MEN1: variants seen among roughly 807,000 people sequenced by gnomAD.
The protein encoded by MEN1 is menin.
A neutral mutation model predicts 58.0 loss-of-function variants in MEN1; 6 were observed. That is an observed-to-expected ratio of 0.10 (90% CI 0.06 to 0.20). The LOEUF (loss-of-function observed/expected upper bound fraction) is 0.20. Ranked by LOEUF, MEN1 falls within the 10% of genes least tolerant of loss-of-function variation. MEN1 has a pLI of 1.00. For missense variants in MEN1, 492 were observed against 818.5 expected (o/e 0.60, Z 4.87); for synonymous variants, 346 against 350.7 (o/e 0.99, Z 0.15).
At position 64,805,841 on chromosome 11, in the gene MEN1, C is replaced by T. The variant is rs919026003; in HGVS notation, c.1050-71G>A. 1.2e-5 allele frequency: 18 copies of T among 1,562,560 alleles called. No homozygotes were observed. Among genetic ancestry groups the T allele is most frequent in the Admixed American group, 1.7e-5 (1 of 59,846 alleles). The stretch of plus-strand genomic sequence containing the variant: ...ATCGGGGGTAGCCCCAGGGACCTGG[C>T]GGGGGATGGAGCCCCCAGGGGCTGG... On this transcript the variant is annotated intron_variant, in intron 7 of 9. Transcript: ENST00000450708.
At chr11:64,810,287 G>A (rs1942044342) in intron 1 of MEN1, 155 bp from the exon 2 acceptor site, 1 of 612,240 alleles carries the variant, frequency 1.6e-6, no homozygotes, top group South Asian at 2.0e-5. Flanking sequence ...CTCTTTTGTC[G>A]GTGAGACCCC....
rs376598079 is a variant in MEN1 at position 64,805,097 on chromosome 11, C to T, written c.1287G>A (p.Thr429=). ...GICKWEEGSP[T]PVLHVGWATF... is the part of the protein sequence containing the mutation. ...TGGCCCAGCCCACATGCAGCACAGGCGTGGGACTGCCCTCCTCCCATTTGC... is the reference window on the plus strand; with the variant it reads ...TGGCCCAGCCCACATGCAGCACAGGTGTGGGACTGCCCTCCTCCCATTTGC... The change falls in exon 9 of 10, where the codon ACG becomes ACA. Residue 429 remains threonine, a synonymous_variant. Transcript: ENST00000450708. The T allele has an allele frequency of 6.8e-6, 11 of 1,614,042 alleles. No homozygotes were observed. The highest frequency in any genetic ancestry group is 4.0e-5 in the African/African-American group (3 of 74,942).
rs1392579402 is a variant in MEN1, at chr11:64,807,929, G to A, written c.616C>T (p.Arg206Cys). 3 of 1,614,030 alleles carry A rather than the reference G, an allele frequency of 1.9e-6. No individual in the cohort carries two copies. The highest frequency in any genetic ancestry group is 2.2e-5 in the East Asian group (1 of 44,898). ...CCGGCATTGACTGTCTGGCCCCTGC[G>A]GTCCTCGTTGCCCTTGCCGTGCCAG... ...VTWHGKGNED[R>C]RGQTVNAGVA... Residue 206 changes from arginine (R) to cysteine (C), a missense_variant, in exon 3 of 10, where the codon CGC (arginine) becomes TGC (cysteine). Arg to Cys is a radical substitution (Grantham distance 180, BLOSUM62 -3). Coordinates refer to ENST00000450708, the MANE Select transcript of MEN1 (RefSeq NM_001370259.2). This position sits in a 1 kb window ranked among gnomAD's most constrained non-coding sequence, Gnocchi z 4.9.
chr11:64,810,104 C>T lies in MEN1; in HGVS notation c.6G>A (p.Gly2=). 1.3e-6 allele frequency: 2 copies of T among 1,582,030 alleles called. No individual in the cohort carries two copies. The highest frequency in any genetic ancestry group is 1.7e-6 in the Non-Finnish European group (2 of 1,167,040). Residue 2 remains glycine, a synonymous_variant, in exon 2 of 10, where the codon GGG becomes GGA. Coordinates refer to ENST00000450708, the MANE Select transcript of MEN1 (RefSeq NM_001370259.2). ...ACAGCGTCTTCTGGGCGGCCTTCAG[C>T]CCCATGGCGGCGGGCGGTGGGCGGC... M[G]LKAAQKTLFP... is the part of the protein sequence containing the mutation.
At chr11:64,809,126 C>T (rs67808744) in intron 2 of MEN1, among the ~76,000 whole-genome samples, 17,312 of 150,274 alleles carry the variant, frequency 0.12, 1,347 homozygotes, top group East Asian at 0.29. Context: ...TTAACCAGCA[C>T]CACGGTGCAT....
At chr11:64,805,319 G>A in intron 8 of MEN1, 121 bp from the exon 9 acceptor site, 3 of 1,194,356 alleles carry the variant, frequency 2.5e-6, no homozygotes, top group Non-Finnish European at 3.5e-6. Flanking sequence ...GCATAGGTTG[G>A]GAACATTCTT....
At position 64,804,283 on chromosome 11, in the gene MEN1, G is replaced by T. The variant is rs758136062; in HGVS notation, c.*51C>A. The stretch of plus-strand genomic sequence containing the variant: ...GCAGAACATGGGCTCAGAGTTGGGG[G>T]ACTAAGGGCGGAGCCTGGGTCCCCA... On this transcript the variant is annotated 3_prime_UTR_variant, in exon 10 of 10. Transcript: ENST00000450708. This position sits in a 1 kb window ranked among gnomAD's most constrained non-coding sequence, Gnocchi z 4.2. The T allele has an allele frequency of 6.2e-7, 1 of 1,613,114 alleles. No individual in the cohort carries two copies. Among genetic ancestry groups the T allele is most frequent in the Non-Finnish European group, 8.5e-7 (1 of 1,179,614 alleles).
At position 64,804,689 on chromosome 11, in the gene MEN1, G is replaced by T; in HGVS notation, c.1478C>A (p.Pro493Gln). The change falls in exon 10 of 10, where the codon CCG becomes CAG. Residue 493 changes from proline (P) to glutamine (Q), a missense_variant. Pro to Gln is a moderately conservative substitution (Grantham distance 76, BLOSUM62 -1). Transcript: ENST00000450708. This position sits in a 1 kb window ranked among gnomAD's most constrained non-coding sequence, Gnocchi z 4.2. ...PRRESKPEEPPPPKKPALDKG... is the reference protein window; with the variant it reads ...PRRESKPEEPQPPKKPALDKG... ...GTCCAGTGCTGGCTTCTTGGGCGGC[G>T]GGGGCTCCTCTGGCTTGGACTCCCG... 1 of 1,594,574 alleles carries T rather than the reference G, an allele frequency of 6.3e-7. No individual in the cohort carries two copies. Among genetic ancestry groups the T allele is most frequent in the Non-Finnish European group, 8.5e-7 (1 of 1,175,638 alleles).
At position 64,808,006 on chromosome 11, in the gene MEN1, T is replaced by A. The variant is rs1064794683; in HGVS notation, c.539A>T (p.Asp180Val). ...GGGCCCAAACACTACCCAGGCATGA[T>A]CCTCAGACAGGGCGAGGTGGACATC... ...LRDVHLALSE[D>V]HAWVVFGPNG... Residue 180 changes from aspartate to valine, a missense_variant, in exon 3 of 10, where the codon GAT becomes GTT. Physicochemically the swap from Asp to Val is radical, Grantham distance 152. Coordinates refer to ENST00000450708, the MANE Select transcript of MEN1 (RefSeq NM_001370259.2). 1.2e-6 allele frequency: 2 copies of A among 1,613,986 alleles called. No individual in the cohort carries two copies. The highest frequency in any genetic ancestry group is 2.7e-5 in the African/African-American group (2 of 74,880).
rs371192390 is a variant in MEN1, at chr11:64,810,080, C to A, written c.30G>T (p.Leu10=). Residue 10 remains leucine, a synonymous_variant, in exon 2 of 10, where the codon CTG becomes CTT. Coordinates refer to ENST00000450708, the MANE Select transcript of MEN1 (RefSeq NM_001370259.2). MGLKAAQKT[L]FPLRSIDDVV... ...CGTCGTCGATGGAGCGCAGCGGGAA[C>A]AGCGTCTTCTGGGCGGCCTTCAGCC... The A allele has an allele frequency of 5.6e-4, 894 of 1,604,882 alleles. 3 individuals are homozygous for A. Among genetic ancestry groups the A allele is most frequent in the Non-Finnish European group, 3.7e-4 (441 of 1,177,374 alleles).
At chr11:64,808,172 G>C (rs1226635832) in intron 2 of MEN1, 73 bp from the exon 3 acceptor site, 2 of 1,381,358 alleles carry the variant, frequency 1.4e-6, no homozygotes, top group Non-Finnish European at 2.0e-6. Context: ...GGTAGTGATG[G>C]GCCACACTCC....
In MEN1 at chr11:64,806,728, G is replaced by A. The variant is rs504195; in HGVS notation, c.912+283C>T. Among the ~76,000 whole-genome samples the A allele has an allele frequency of 0.89, 136,081 of 152,154 alleles. 62,242 individuals are homozygous for A. The highest frequency in any genetic ancestry group is 1 in the Non-Finnish European group (67,734 of 68,010). On this transcript the variant is annotated intron_variant, in intron 6 of 9. Coordinates refer to ENST00000450708, the MANE Select transcript of MEN1 (RefSeq NM_001370259.2). ...ACACCCCCTCTTCATCAGTGCTCCT[G>A]CCACATTTGACCTCTGTTATACTCC...
rs2136095592 is a variant in MEN1 at position 64,804,854 on chromosome 11, C to T, written c.1351-38G>A. The T allele has an allele frequency of 6.3e-7, 1 of 1,595,396 alleles. No homozygotes were observed. Among genetic ancestry groups the T allele is most frequent in the South Asian group, 1.1e-5 (1 of 90,980 alleles). ...GGAGAGCAAGGTGAGAGCAAGGTTG[C>T]CGGCCAGTGGCTGGAACTCCAGGAC... On this transcript the variant is annotated intron_variant, in intron 9 of 9. Transcript: ENST00000450708. The surrounding 1 kb of genome is among the most constrained non-coding windows in gnomAD (Gnocchi z 4.2).
chr11:64,809,488 C>G (rs192961797), intron 2 of MEN1, among the ~76,000 whole-genome samples, 177 bp downstream of exon 2: 1 of 152,062 alleles, frequency 6.6e-6, no homozygotes, highest in Non-Finnish European at 1.5e-5. Flanking sequence ...CCTGCCATGC[C>G]GTGTGTGACT....
Position 64,809,652 on chromosome 11 carries a change from A to C in MEN1, c.445+13T>G. On this transcript the variant is annotated intron_variant, in intron 2 of 9. Transcript: ENST00000450708. ...TGGGTCATGGATAAGATTCCCACCT[A>C]CTGGGCTCCAACCTGTGATGAAGCT... 6.2e-7 allele frequency: 1 copy of C among 1,613,892 alleles called. No homozygotes were observed. Among genetic ancestry groups the C allele is most frequent in the South Asian group, 1.1e-5 (1 of 91,082 alleles).
chr11:64,804,049 G>C lies in MEN1; in HGVS notation c.*285C>G, dbSNP rs1941460247. 1 of 493,024 alleles carries C rather than the reference G, an allele frequency of 2.0e-6. No homozygotes were observed. The highest frequency in any genetic ancestry group is 3.3e-5 in the Admixed American group (1 of 30,336). The allele number at this position is 493,024 out of a possible 1,614,324, so 30.5% of individuals were successfully genotyped here. A position where few individuals can be genotyped will look rare whatever the true frequency, so the allele number is the denominator to read the frequency against. ...CCGAGGAGGAGCTTGGGTTTCTAGG[G>C]GCTGGGCCTTTAAAGACTGGTAATT... On this transcript the variant is annotated 3_prime_UTR_variant, in exon 10 of 10. Transcript: ENST00000450708. The surrounding 1 kb of genome is among the most constrained non-coding windows in gnomAD (Gnocchi z 4.2).
Position 64,807,596 on chromosome 11 carries a change from T to C in MEN1, c.739A>G (p.Ile247Val), listed in dbSNP as rs1555165508. 1.2e-6 allele frequency: 2 copies of C among 1,614,102 alleles called. No homozygotes were observed. Among genetic ancestry groups the C allele is most frequent in the Non-Finnish European group, 1.7e-6 (2 of 1,180,018 alleles). ...AFMVCAINPSIDLHTDSLELL... is the reference protein window; with the variant it reads ...AFMVCAINPSVDLHTDSLELL... ...TCCAGCGAGTCGGTGTGCAGGTCAATGGAAGGGTTGATGGCACACACCATG... is the reference window on the plus strand; with the variant it reads ...TCCAGCGAGTCGGTGTGCAGGTCAACGGAAGGGTTGATGGCACACACCATG... Residue 247 changes from isoleucine to valine, a missense_variant, in exon 4 of 10, where the codon ATT becomes GTT. Ile to Val is a conservative substitution (Grantham distance 29, BLOSUM62 3). Coordinates refer to ENST00000450708, the MANE Select transcript of MEN1 (RefSeq NM_001370259.2). The surrounding 1 kb of genome is among the most constrained non-coding windows in gnomAD (Gnocchi z 4.9).
At position 64,810,010 on chromosome 11, in the gene MEN1, G is replaced by A. The variant is rs771554497; in HGVS notation, c.100C>T (p.Leu34=). The A allele has an allele frequency of 2.5e-6, 4 of 1,605,786 alleles. No individual in the cohort carries two copies. The East Asian group carries it at 6.7e-5, about 27-fold the overall frequency. ...AAELGREEPD[L]VLLSLVLGFV... is the part of the protein sequence containing the mutation. Reference sequence around the variant, plus strand: ...CCCAGCACCAAGGAAAGGAGCACCAGGTCCGGCTCCTCTCGGCCCAGCTCG... The same window carrying A: ...CCCAGCACCAAGGAAAGGAGCACCAAGTCCGGCTCCTCTCGGCCCAGCTCG... Residue 34 remains leucine, a synonymous_variant, in exon 2 of 10, where the codon CTG becomes TTG. Coordinates refer to ENST00000450708, the MANE Select transcript of MEN1 (RefSeq NM_001370259.2).
rs1218493244 is a variant in MEN1, at chr11:64,804,879, C to T, written c.1351-63G>A. On this transcript the variant is annotated intron_variant, in intron 9 of 9. Coordinates refer to ENST00000450708, the MANE Select transcript of MEN1 (RefSeq NM_001370259.2). This position sits in a 1 kb window ranked among gnomAD's most constrained non-coding sequence, Gnocchi z 4.2. ...CCGGCCAGTGGCTGGAACTCCAGGACCCTGCTCTGGCCATCCCATCCCACC... is the reference window on the plus strand; with the variant it reads ...CCGGCCAGTGGCTGGAACTCCAGGATCCTGCTCTGGCCATCCCATCCCACC... 6 of 1,596,018 alleles carry T rather than the reference C, an allele frequency of 3.8e-6. No homozygotes were observed. Among genetic ancestry groups the T allele is most frequent in the Non-Finnish European group, 5.1e-6 (6 of 1,178,572 alleles).
Sources: allele counts gnomAD v4.1 joint callset (sites outside exome capture counted in the v4.1 genomes callset), GRCh38; gene constraint gnomAD v4.1.1; non-coding constraint Gnocchi (gnomAD v3.1); transcripts MANE v1.5; gene names NCBI Gene and HGNC (gene_info 2026-07-23, HGNC 2026-07-21).